The following TSC22D1 variants were observed in gnomAD, a reference collection of about 807,000 sequenced individuals.
The protein encoded by TSC22D1 is TSC22 domain family protein 1.
A neutral mutation model predicts 74.2 loss-of-function variants in TSC22D1; 9 were observed. That is an observed-to-expected ratio of 0.12 (90% CI 0.07 to 0.21). The LOEUF (loss-of-function observed/expected upper bound fraction) is 0.21, where lower values mean the gene tolerates loss of function less well. Among genes scored for constraint, TSC22D1 ranks in the 10% least tolerant of loss-of-function variants. The probability of loss-of-function intolerance (pLI) is 1.00; values close to 1 mark genes in which losing one functional copy is unlikely to be tolerated. For synonymous variants in TSC22D1, 586 were observed against 492.5 expected (o/e 1.19, Z -2.51); for missense variants, 1,427 against 1,304.7 (o/e 1.09, Z -1.44).
intron 1 of TSC22D1, among the ~76,000 whole-genome samples, chr13:44,502,477 T>C (rs927730364): frequency 6.6e-6 from 1 of 152,204 alleles, no homozygotes; most frequent in Non-Finnish European, 1.5e-5. Context: ...ATGATCTGAG[T>C]GCCTGTTTTC....
chr13:44,500,494 A>G (rs1262187848), intron 1 of TSC22D1, among the ~76,000 whole-genome samples: 2 of 152,196 alleles, frequency 1.3e-5, no homozygotes, highest in Non-Finnish European at 1.5e-5. Flanking sequence ...TCTTTGAGCC[A>G]TCACAATTTA....
chr13:44,512,415 C>A (rs557733837), intron 1 of TSC22D1, among the ~76,000 whole-genome samples: 1 of 151,464 alleles, frequency 6.6e-6, no homozygotes, highest in Non-Finnish European at 1.5e-5. Flanking sequence ...GTGATCCGCC[C>A]GCCTCGGCCT....
At chr13:44,471,443 C>A (rs943805559) in intron 1 of TSC22D1, among the ~76,000 whole-genome samples, 4 of 152,040 alleles carry the variant, frequency 2.6e-5, no homozygotes, top group Non-Finnish European at 5.9e-5. Flanking sequence ...AGTTAAATAG[C>A]CGGAATGTTA....
chr13:44,504,354 G>A (rs1366552515), intron 1 of TSC22D1, among the ~76,000 whole-genome samples: 2 of 151,998 alleles, frequency 1.3e-5, no homozygotes, highest in Non-Finnish European at 2.9e-5. Context: ...GCTCATGCCT[G>A]TAATCCCAGC....
chr13:44,504,605 A>G (rs1370665255), intron 1 of TSC22D1, among the ~76,000 whole-genome samples: 1 of 147,180 alleles, frequency 6.8e-6, no homozygotes, highest in Non-Finnish European at 1.5e-5. Flanking sequence ...CTGTCTCAAA[A>G]AAAAAAAAAA....
intron 1 of TSC22D1, among the ~76,000 whole-genome samples, chr13:44,515,049 G>A (rs1363858478): frequency 6.6e-6 from 1 of 152,100 alleles, no homozygotes; most frequent in East Asian, 1.9e-4. Context: ...GTAATCTGGT[G>A]CAACTCCTAT....
chr13:44,474,724 G>A (rs577037224), intron 1 of TSC22D1, among the ~76,000 whole-genome samples: 4 of 151,874 alleles, frequency 2.6e-5, no homozygotes, highest in Admixed American at 2.6e-4. Flanking sequence ...AGGAGGGAGA[G>A]GAGATGAAGA....
chr13:44,474,469 C>T (rs1206887669), intron 1 of TSC22D1, among the ~76,000 whole-genome samples: 2 of 152,264 alleles, frequency 1.3e-5, no homozygotes, highest in African/African-American at 4.8e-5. Flanking sequence ...TGTTATGTTT[C>T]AAGCATTTTA....
chr13:44,545,321 G>A (rs888897495), intron 1 of TSC22D1, among the ~76,000 whole-genome samples: 6 of 151,954 alleles, frequency 3.9e-5, no homozygotes, highest in African/African-American at 7.3e-5. Flanking sequence ...GGCAACAAGC[G>A]AGATTCTGTC....
chr13:44,567,258 C>T (rs1258848283), intron 1 of TSC22D1, among the ~76,000 whole-genome samples: 2 of 152,188 alleles, frequency 1.3e-5, no homozygotes, highest in Non-Finnish European at 2.9e-5. Flanking sequence ...AGGGATCTAA[C>T]CAGCTAGGAG....
chr13:44,553,608 T>C (rs1882432833), intron 1 of TSC22D1, among the ~76,000 whole-genome samples: 2 of 152,326 alleles, frequency 1.3e-5, no homozygotes, highest in Middle Eastern at 6.8e-3. Flanking sequence ...TGAGAATCAC[T>C]TAATTGGGGT....
At chr13:44,543,244 T>C (rs983525658) in intron 1 of TSC22D1, among the ~76,000 whole-genome samples, 3 of 152,196 alleles carry the variant, frequency 2.0e-5, no homozygotes, top group East Asian at 3.8e-4. Flanking sequence ...TATTAAATTA[T>C]GAAATGAGCA....
rs76745647 is a variant in TSC22D1, at chr13:44,558,312, T to G, written c.2912+14851A>C. On this transcript the variant is annotated intron_variant, in intron 1 of 2. Coordinates refer to ENST00000458659, the MANE Select transcript of TSC22D1 (RefSeq NM_183422.4). Reference sequence around the variant, plus strand: ...ACAATATTTTATTTGTAGTAACATATCAACCAATAATACAGTAAAAAAAAT... The same window carrying G: ...ACAATATTTTATTTGTAGTAACATAGCAACCAATAATACAGTAAAAAAAAT... Among the ~76,000 whole-genome samples, 168 of 152,318 alleles carry G rather than the reference T, an allele frequency of 1.1e-3. 4 individuals carry two copies. In the East Asian group the frequency reaches 0.03, roughly 27 times the overall value.
intron 1 of TSC22D1, chr13:44,536,926 G>GAAAAAAAAAAA (rs10596156): frequency 1.6e-4 from 78 of 495,112 alleles, no homozygotes; most frequent in Middle Eastern, 1.2e-3. Flanking sequence ...GTATTTTTCT[G>GAAAAAAAAAAA]AAAAAAAAAA....
chr13:44,512,713 G>T (rs192703095), intron 1 of TSC22D1, among the ~76,000 whole-genome samples: 2 of 151,370 alleles, frequency 1.3e-5, no homozygotes, highest in African/African-American at 2.4e-5. Flanking sequence ...GCAGCGACGC[G>T]ATCTCAACTC....
At chr13:44,444,781 C>A (rs552653508) in intron 1 of TSC22D1, among the ~76,000 whole-genome samples, 2 of 151,992 alleles carry the variant, frequency 1.3e-5, no homozygotes, top group Admixed American at 6.6e-5. Context: ...CAAGGCATAT[C>A]AAAATTTATT....
intron 1 of TSC22D1, among the ~76,000 whole-genome samples, chr13:44,448,696 G>T (rs967365587): frequency 6.6e-6 from 1 of 151,964 alleles, no homozygotes; most frequent in African/African-American, 2.4e-5. Context: ...TTAACCCTCT[G>T]ATCTATTCAG....
Position 44,573,725 on chromosome 13 carries a change from G to A in TSC22D1, c.2350C>T (p.Leu784Phe). The change falls in exon 1 of 3, where the codon CTT (leucine) becomes TTT (phenylalanine). Residue 784 changes from leucine (L) to phenylalanine (F), a missense_variant. Physicochemically the swap from Leu to Phe is conservative, Grantham distance 22. Transcript: ENST00000458659. ...GATGCAATAACCAATTGTTGAGGAA[G>A]GCTTGGAGCACTAGTTTGAACTCCC... ...HQGVQTSAPSLPQQLVIASQS... is the reference protein window; with the variant it reads ...HQGVQTSAPSFPQQLVIASQS... 6.2e-7 allele frequency: 1 copy of A among 1,614,190 alleles called. No individual in the cohort carries two copies. The highest frequency in any genetic ancestry group is 8.5e-7 in the Non-Finnish European group (1 of 1,180,026).
intron 1 of TSC22D1, among the ~76,000 whole-genome samples, chr13:44,490,836 G>A (rs1878667279): frequency 6.6e-6 from 1 of 151,666 alleles, no homozygotes; most frequent in African/African-American, 2.4e-5. Context: ...GGTGGAGGTT[G>A]CGGTGAGCCA....
Sources: allele counts gnomAD v4.1 joint callset (sites outside exome capture counted in the v4.1 genomes callset), GRCh38; gene constraint gnomAD v4.1.1; transcripts MANE v1.5; gene names NCBI Gene and HGNC (gene_info 2026-07-23, HGNC 2026-07-21).